VRK2: variants seen among roughly 807,000 people sequenced by gnomAD.
VRK2 encodes the protein serine/threonine-protein kinase VRK2.
A neutral mutation model predicts 57.6 loss-of-function variants in VRK2; 60 were observed. The observed-to-expected ratio is 1.04, with a 90% CI of 0.85 to 1.29. The LOEUF (loss-of-function observed/expected upper bound fraction) is 1.29, where lower values mean the gene tolerates loss of function less well. Among genes scored for constraint, VRK2 ranks in the 50% most tolerant of loss-of-function variants. VRK2 has a pLI of 0.00. For synonymous variants in VRK2, 231 were observed against 199.2 expected, an observed-to-expected ratio of 1.16 and a Z score of -1.35; for missense variants, 705 against 588.1, an observed-to-expected ratio of 1.20 and a Z score of -2.06.
At chr2:57,999,610 G>A (rs2103620574) in intron 1 of VRK2, among the ~76,000 whole-genome samples, 1 of 152,106 alleles carries the variant, frequency 6.6e-6, no homozygotes, top group African/African-American at 2.4e-5. Context: ...TTGAAAGAAT[G>A]TTACTGAAGC....
At chr2:58,090,718 A>G (rs1423315170) in intron 7 of VRK2, among the ~76,000 whole-genome samples, 3 of 152,182 alleles carry the variant, frequency 2.0e-5, no homozygotes, top group African/African-American at 7.2e-5. Flanking sequence ...TATTTACCCA[A>G]ATGAGTTGAA....
chr2:58,137,214 A>ACATATAT (rs1265131111), intron 10 of VRK2, among the ~76,000 whole-genome samples: 138 of 52,560 alleles, frequency 2.6e-3, no homozygotes, highest in East Asian at 4.6e-3. Flanking sequence ...CATATATGAT[A>ACATATAT]CATATATATC....
chr2:58,135,397 CAAA>C (rs1336338094), intron 10 of VRK2, among the ~76,000 whole-genome samples, 198 bp downstream of exon 10: 4 of 148,978 alleles, frequency 2.7e-5, no homozygotes, highest in Non-Finnish European at 5.9e-5. Context: ...CAAAAAACCT[CAAA>C]AGAAGATATT....
intron 11 of VRK2, among the ~76,000 whole-genome samples, chr2:58,142,605 A>G (rs920188126): frequency 3.9e-5 from 6 of 151,926 alleles, no homozygotes; most frequent in African/African-American, 9.7e-5. Flanking sequence ...CATCAAGACC[A>G]TCACAGTCTC....
chr2:58,023,726 C>A (rs1213619615), intron 1 of VRK2, among the ~76,000 whole-genome samples: 2 of 152,040 alleles, frequency 1.3e-5, no homozygotes, highest in Admixed American at 6.6e-5. Context: ...CAAAGATACA[C>A]ATTAGAAATC....
intron 9 of VRK2, 94 bp from the exon 10 acceptor site, chr2:58,135,047 G>C (rs1177023034): frequency 7.5e-7 from 1 of 1,328,710 alleles, no homozygotes; most frequent in Non-Finnish European, 1.0e-6. Context: ...CACAATTTTG[G>C]TGACCTACCA....
Position 57,925,168 on chromosome 2 carries a change from CT to C in VRK2, c.-439+17336del, listed in dbSNP as rs1204539149. On this transcript the variant is annotated intron_variant, in intron 1 of 15. Coordinates refer to the VRK2 transcript ENST00000417641. ...ATCAGAAATATTGGCTGGAAGTTTT[CT>C]TTTTTTGATATATCTTTGTCTGGTT... 7.2e-5 allele frequency among the ~76,000 whole-genome samples: 11 copies of C among 151,868 alleles called. No homozygotes were observed. The East Asian group carries it at 9.7e-4, about 13-fold the overall frequency.
intron 1 of VRK2, among the ~76,000 whole-genome samples, chr2:57,991,904 G>C (rs1334317813): frequency 6.6e-6 from 1 of 150,706 alleles, no homozygotes; most frequent in Non-Finnish European, 1.5e-5. Context: ...GTTGCAGTGA[G>C]CCGAGATCGC....
intron 1 of VRK2, among the ~76,000 whole-genome samples, chr2:57,995,505 T>A (rs1039297607): frequency 6.6e-6 from 1 of 152,232 alleles, no homozygotes; most frequent in African/African-American, 2.4e-5. Flanking sequence ...AGAAAAAATA[T>A]TGCCAAATAT....
At chr2:57,936,531 G>GTTTTTTTTTTTTTTTTT (rs539088139) in intron 1 of VRK2, among the ~76,000 whole-genome samples, 2 of 134,958 alleles carry the variant, frequency 1.5e-5, no homozygotes, top group African/African-American at 5.6e-5. Context: ...TTGTTTTTTT[G>GTTTTTTTTTTTTTTTTT]TTTTTTTTTT....
chr2:58,139,207 C>T (rs1239027349), intron 10 of VRK2, among the ~76,000 whole-genome samples: 4 of 151,852 alleles, frequency 2.6e-5, no homozygotes, highest in African/African-American at 9.7e-5. Context: ...GGTTATAATC[C>T]CAAAATCAAA....
At chr2:58,037,209 T>C (rs1674304022) in intron 3 of VRK2, among the ~76,000 whole-genome samples, 1 of 152,064 alleles carries the variant, frequency 6.6e-6, no homozygotes, top group South Asian at 2.1e-4. Flanking sequence ...GTTCTGAGAT[T>C]ACAGGCATGA....
chr2:58,126,965 A>C (rs1051902324), intron 8 of VRK2, among the ~76,000 whole-genome samples: 4 of 152,082 alleles, frequency 2.6e-5, no homozygotes, highest in African/African-American at 9.7e-5. Flanking sequence ...ATTTCTCTAG[A>C]GATATACTGC....
intron 1 of VRK2, among the ~76,000 whole-genome samples, chr2:57,952,263 C>G (rs1433776403): frequency 2.0e-5 from 3 of 151,904 alleles, no homozygotes; most frequent in Admixed American, 2.0e-4. Flanking sequence ...GGAAAAAAAC[C>G]CACAACACCT....
chr2:58,056,112 C>T (rs140159244), intron 2 of VRK2, among the ~76,000 whole-genome samples: 6 of 151,864 alleles, frequency 4.0e-5, no homozygotes, highest in East Asian at 3.9e-4. Context: ...AAAGAGGGCA[C>T]GCTTCCTTCT....
At chr2:58,128,064 T>C (rs1435871427) in intron 8 of VRK2, among the ~76,000 whole-genome samples, 1 of 152,204 alleles carries the variant, frequency 6.6e-6, no homozygotes, top group African/African-American at 2.4e-5. Context: ...TAATTAAATA[T>C]TTTAACTAAA....
intron 7 of VRK2, among the ~76,000 whole-genome samples, chr2:58,098,672 T>G (rs969360011): frequency 6.6e-6 from 1 of 151,984 alleles, no homozygotes; most frequent in Admixed American, 6.6e-5. Flanking sequence ...CTATCAGGGG[T>G]TGTGTAAGTA....
At chr2:57,931,069 A>G (rs1412932073) in intron 1 of VRK2, among the ~76,000 whole-genome samples, 2 of 152,146 alleles carry the variant, frequency 1.3e-5, no homozygotes, top group Non-Finnish European at 2.9e-5. Flanking sequence ...AGTTGCTTCC[A>G]TATCTTGACT....
intron 1 of VRK2, among the ~76,000 whole-genome samples, chr2:57,911,815 A>G (rs1669994713): frequency 6.6e-6 from 1 of 152,204 alleles, no homozygotes; most frequent in African/African-American, 2.4e-5. Context: ...CCAAGAAAAA[A>G]ATCAGGAATG....
Sources: allele counts gnomAD v4.1 joint callset (sites outside exome capture counted in the v4.1 genomes callset), GRCh38; gene constraint gnomAD v4.1.1; transcripts MANE v1.5; gene names NCBI Gene and HGNC (gene_info 2026-07-23, HGNC 2026-07-21).